The following NEXMIF variants were observed in gnomAD, a reference collection of about 807,000 sequenced individuals.
NEXMIF encodes the protein XLMR protein related to neurite extension.
Under a neutral mutation model 62.1 loss-of-function variants are expected in NEXMIF, and 8 were observed. That is an observed-to-expected ratio of 0.13 (90% CI 0.08 to 0.23). The LOEUF (loss-of-function observed/expected upper bound fraction) is 0.23. Ranked by LOEUF, NEXMIF falls within the 10% of genes least tolerant of loss-of-function variation. The pLI, the probability that NEXMIF is intolerant of heterozygous loss-of-function variation, is 1.00. For synonymous variants in NEXMIF, 404 were observed against 416.6 expected, an observed-to-expected ratio of 0.97 and a Z score of 0.37; for missense variants, 976 against 1,113.3, an observed-to-expected ratio of 0.88 and a Z score of 1.75.
rs756687075 is a variant in NEXMIF, at chrX:74,868,206, A to C, written c.-48+56677T>G. On this transcript the variant is annotated intron_variant, in intron 1 of 3. Coordinates refer to ENST00000055682, the MANE Select transcript of NEXMIF (RefSeq NM_001008537.3). ...TGTAAATTAGTTCAACCATTGTGGAAGATAGTATGGCAATTCCTCAAAGAC... is the reference window on the plus strand; with the variant it reads ...TGTAAATTAGTTCAACCATTGTGGACGATAGTATGGCAATTCCTCAAAGAC... Among the ~76,000 whole-genome samples the C allele has an allele frequency of 3.6e-5, 4 of 112,287 alleles. No individual in the cohort carries two copies. The East Asian group carries it at 1.1e-3, about 32-fold the overall frequency.
chrX:74,806,950 T>A (rs1045985458), intron 1 of NEXMIF, among the ~76,000 whole-genome samples: 33 of 112,937 alleles, frequency 2.9e-4, no homozygotes, highest in African/African-American at 1.0e-3. Flanking sequence ...ACTGTAGCTT[T>A]ATAGTAAGTC....
chrX:74,908,620 A>C (rs1200300270), intron 1 of NEXMIF, among the ~76,000 whole-genome samples: 1 of 112,690 alleles, frequency 8.9e-6, no homozygotes, highest in African/African-American at 3.2e-5. Flanking sequence ...CTGTTCATTC[A>C]GGTGCTAAAT....
At chrX:74,810,980 A>G (rs1265233309) in intron 1 of NEXMIF, among the ~76,000 whole-genome samples, 1 of 111,558 alleles carries the variant, frequency 9.0e-6, no homozygotes, top group Admixed American at 9.6e-5. Flanking sequence ...ACTGGACTTT[A>G]TATATATTAT....
At chrX:74,811,938 G>A (rs1450311530) in intron 1 of NEXMIF, among the ~76,000 whole-genome samples, 1 of 112,746 alleles carries the variant, frequency 8.9e-6, no homozygotes, top group Non-Finnish European at 1.9e-5. Context: ...TGGGGTGGGT[G>A]GATATGATTT....
intron 1 of NEXMIF, among the ~76,000 whole-genome samples, chrX:74,908,269 C>G (rs1037247711): frequency 2.7e-5 from 3 of 111,995 alleles, no homozygotes; most frequent in Non-Finnish European, 5.6e-5. Flanking sequence ...GTGCTCTTGT[C>G]TAGTATATGG....
At chrX:74,802,163 C>T (rs1237659969) in intron 1 of NEXMIF, among the ~76,000 whole-genome samples, 1 of 111,667 alleles carries the variant, frequency 9.0e-6, no homozygotes, top group Non-Finnish European at 1.9e-5. Flanking sequence ...GGACACAGGC[C>T]TGGGTGCTTT....
Position 74,793,479 on chromosome X carries a change from T to A in NEXMIF, c.-47-47782A>T, listed in dbSNP as rs2080293372. Among the ~76,000 whole-genome samples, 3 of 110,798 alleles carry A rather than the reference T, an allele frequency of 2.7e-5. No homozygotes were observed. The South Asian group carries it at 1.2e-3, about 43-fold the overall frequency. ...TTGGAGTTGCTCTTCTCGAGGAGTATCTCTGGGGTGTTCTCTGTATTTCCT... is the reference window on the plus strand; with the variant it reads ...TTGGAGTTGCTCTTCTCGAGGAGTAACTCTGGGGTGTTCTCTGTATTTCCT... On this transcript the variant is annotated intron_variant, in intron 1 of 3. Coordinates refer to ENST00000055682, the MANE Select transcript of NEXMIF (RefSeq NM_001008537.3).
At chrX:74,778,500 T>C (rs983740941) in intron 1 of NEXMIF, among the ~76,000 whole-genome samples, 1 of 111,397 alleles carries the variant, frequency 9.0e-6, no homozygotes, top group Non-Finnish European at 1.9e-5. Flanking sequence ...AATTACCTGC[T>C]GTGTGCTAGA....
chrX:74,790,420 G>C (rs1401585299), intron 1 of NEXMIF, among the ~76,000 whole-genome samples: 16 of 112,937 alleles, frequency 1.4e-4, no homozygotes, highest in African/African-American at 5.1e-4. Flanking sequence ...GATGCCTCCA[G>C]CTTTGTTCTT....
At chrX:74,765,720 GA>G (rs768374195) in intron 1 of NEXMIF, among the ~76,000 whole-genome samples, 2 of 109,962 alleles carry the variant, frequency 1.8e-5, no homozygotes, top group Non-Finnish European at 3.8e-5. Flanking sequence ...CTCGGTTGAA[GA>G]TTTTTTTCTT....
chrX:74,771,829 G>C (rs112268121), intron 1 of NEXMIF, among the ~76,000 whole-genome samples: 8,190 of 111,653 alleles, frequency 0.073, 304 homozygotes, highest in Admixed American at 0.12. Context: ...CTCTGTGTGT[G>C]TGTGTGTGTG....
chrX:74,860,197 A>G (rs888628713), intron 1 of NEXMIF, among the ~76,000 whole-genome samples: 1 of 111,972 alleles, frequency 8.9e-6, no homozygotes, highest in Non-Finnish European at 1.9e-5. Flanking sequence ...TAATTCAACA[A>G]GAGGATATAC....
chrX:74,740,409 C>T lies in NEXMIF; in HGVS notation c.4148G>A (p.Ser1383Asn). 8.3e-7 allele frequency: 1 copy of T among 1,211,514 alleles called. No individual in the cohort carries two copies. The highest frequency in any genetic ancestry group is 1.1e-6 in the Non-Finnish European group (1 of 895,390). ...TPQESKKKIN[S>N]GSQGATKNHR... ...ATTCTTAGTGGCTCCTTGGGACCCACTGTTGATCTTTTTCTTAGACTCCTG... is the reference window on the plus strand; with the variant it reads ...ATTCTTAGTGGCTCCTTGGGACCCATTGTTGATCTTTTTCTTAGACTCCTG... The change falls in exon 3 of 4, where the codon AGT becomes AAT. Residue 1383 changes from serine (S) to asparagine (N), a missense_variant. Transcript: ENST00000055682.
At position 74,890,188 on chromosome X, in the gene NEXMIF, A is replaced by G. The variant is rs184776463; in HGVS notation, c.-48+34695T>C. 2.1e-4 allele frequency among the ~76,000 whole-genome samples: 23 copies of G among 111,262 alleles called. No individual in the cohort carries two copies. The East Asian group carries it at 2.5e-3, about 12-fold the overall frequency. On this transcript the variant is annotated intron_variant, in intron 1 of 3. Transcript: ENST00000055682. ...GTTCTAGGACTTTGATCCTAGACCT[A>G]CATGTTTCTCTCAACCAACTACAGG...
chrX:74,925,008 C>CACCGCCGCTGCTACTGCT lies in NEXMIF; in HGVS notation c.-191_-174dup, dbSNP rs1369180460. 4.2e-5 allele frequency: 5 copies of CACCGCCGCTGCTACTGCT among 120,444 alleles called. No individual in the cohort carries two copies. Among genetic ancestry groups the CACCGCCGCTGCTACTGCT allele is most frequent in the African/African-American group, 6.4e-5 (2 of 31,462 alleles). 9.9% of individuals were successfully genotyped at this position (120,444 alleles called of 1,213,427 possible). A position where few individuals can be genotyped will look rare whatever the true frequency, so the allele number is the denominator to read the frequency against. On this transcript the variant is annotated 5_prime_UTR_variant, in exon 1 of 4. Coordinates refer to ENST00000055682, the MANE Select transcript of NEXMIF (RefSeq NM_001008537.3). Reference sequence around the variant, plus strand: ...CAGCTGTTCGAGCTGCCTTAGCCGCCACCGCCGCTGCTACTGCTGCCGCCG... The same window carrying CACCGCCGCTGCTACTGCT: ...CAGCTGTTCGAGCTGCCTTAGCCGCCACCGCCGCTGCTACTGCTACCGCCGCTGCTACTGCTGCCGCCG...
intron 1 of NEXMIF, among the ~76,000 whole-genome samples, chrX:74,750,824 G>C (rs1389792685): frequency 2.7e-5 from 3 of 111,760 alleles, no homozygotes; most frequent in African/African-American, 9.8e-5. Flanking sequence ...ACAATATTAA[G>C]GGTGAGAAAG....
intron 1 of NEXMIF, among the ~76,000 whole-genome samples, chrX:74,807,014 G>A: frequency 8.9e-6 from 1 of 112,072 alleles, no homozygotes; most frequent in East Asian, 2.8e-4. Context: ...TCAACATTAT[G>A]TTGGATATTC....
intron 1 of NEXMIF, among the ~76,000 whole-genome samples, chrX:74,896,733 C>T (rs1233257476): frequency 9.0e-6 from 1 of 111,612 alleles, no homozygotes; most frequent in African/African-American, 3.3e-5. Flanking sequence ...AGAGCAGAGA[C>T]TGGGCACTGG....
intron 1 of NEXMIF, among the ~76,000 whole-genome samples, chrX:74,751,656 CCTT>C (rs1198904416): frequency 1.0e-5 from 1 of 96,872 alleles, no homozygotes; most frequent in Non-Finnish European, 2.0e-5. Flanking sequence ...TTCCTTCCTT[CCTT>C]TCCTTCCTTC....
Sources: allele counts gnomAD v4.1 joint callset (sites outside exome capture counted in the v4.1 genomes callset), GRCh38; gene constraint gnomAD v4.1.1; transcripts MANE v1.5; gene names NCBI Gene and HGNC (gene_info 2026-07-23, HGNC 2026-07-21).